EXOC4: variants seen among roughly 807,000 people sequenced by gnomAD.
EXOC4 encodes exocyst complex component 4.
EXOC4 carries 71 observed loss-of-function variants against 107.2 expected under a neutral mutation model. The observed-to-expected ratio is 0.66, with a 90% CI of 0.55 to 0.81. The LOEUF (loss-of-function observed/expected upper bound fraction) is 0.81, where lower values mean the gene tolerates loss of function less well. Ranked by LOEUF, EXOC4 falls within the 30% of genes least tolerant of loss-of-function variation. EXOC4 has a pLI of 0.00. For synonymous variants in EXOC4, 456 were observed against 441.2 expected (o/e 1.03, Z -0.42); for missense variants, 1,108 against 1,189.6 (o/e 0.93, Z 1.01).
intron 14 of EXOC4, among the ~76,000 whole-genome samples, chr7:133,945,044 G>T (rs907810099): frequency 6.6e-6 from 1 of 152,144 alleles, no homozygotes; most frequent in Admixed American, 6.5e-5. Flanking sequence ...AGTCCTTTTA[G>T]AGTAGAATAC....
intron 9 of EXOC4, among the ~76,000 whole-genome samples, chr7:133,537,578 A>G (rs1007043470): frequency 4.6e-5 from 7 of 152,168 alleles, no homozygotes; most frequent in African/African-American, 1.4e-4. Flanking sequence ...GCCGAGAGAA[A>G]AGTGTTTCTT....
Position 133,306,006 on chromosome 7 carries a change from T to C in EXOC4, c.601T>C (p.Tyr201His). Residue 201 changes from tyrosine to histidine, a missense_variant, in exon 4 of 18, where the codon TAC becomes CAC. Tyr to His is a moderately conservative substitution (Grantham distance 83). Transcript: ENST00000253861. Reference protein sequence around the residue: ...VLIDELHRHLYIKSTSRVVQR... With the variant: ...VLIDELHRHLHIKSTSRVVQR... Reference sequence around the variant, plus strand: ...CATAGATGAACTACACCGGCACCTGTACATCAAATCGACTAGCCGAGTTGT... The same window carrying C: ...CATAGATGAACTACACCGGCACCTGCACATCAAATCGACTAGCCGAGTTGT... 6.2e-7 allele frequency: 1 copy of C among 1,613,796 alleles called. No individual in the cohort carries two copies. The highest frequency in any genetic ancestry group is 8.5e-7 in the Non-Finnish European group (1 of 1,179,842).
intron 9 of EXOC4, among the ~76,000 whole-genome samples, chr7:133,586,298 T>C (rs1007405618): frequency 2.6e-5 from 4 of 152,120 alleles, no homozygotes; most frequent in Admixed American, 2.6e-4. Flanking sequence ...CCATGTGTGC[T>C]TAGTGTTTAG....
chr7:133,422,137 G>C (rs1440900035), intron 7 of EXOC4, among the ~76,000 whole-genome samples: 1 of 151,970 alleles, frequency 6.6e-6, no homozygotes, highest in African/African-American at 2.4e-5. Flanking sequence ...CATGCTTTTG[G>C]GCCCATCATT....
chr7:133,567,712 G>A (rs1164101535), intron 9 of EXOC4, among the ~76,000 whole-genome samples: 2 of 152,150 alleles, frequency 1.3e-5, no homozygotes, highest in Non-Finnish European at 2.9e-5. Flanking sequence ...CCCAGAGCAT[G>A]GCACTGGCAT....
At chr7:133,531,355 T>C (rs1161125040) in intron 9 of EXOC4, among the ~76,000 whole-genome samples, 4 of 152,268 alleles carry the variant, frequency 2.6e-5, no homozygotes, top group Non-Finnish European at 5.9e-5. Context: ...CTGTGCTGCT[T>C]TAATTAGTTC....
chr7:133,525,546 T>C (rs1246567743), intron 9 of EXOC4, among the ~76,000 whole-genome samples: 2 of 152,188 alleles, frequency 1.3e-5, no homozygotes, highest in African/African-American at 2.4e-5. Flanking sequence ...TTTAATACTT[T>C]TTAAGTCATG....
At chr7:133,576,196 A>G (rs1801123430) in intron 9 of EXOC4, among the ~76,000 whole-genome samples, 1 of 152,202 alleles carries the variant, frequency 6.6e-6, no homozygotes, top group South Asian at 2.1e-4. Flanking sequence ...GGAATAGAGA[A>G]AATTCTCAAG....
chr7:133,623,157 A>G (rs887228140), intron 9 of EXOC4, among the ~76,000 whole-genome samples: 2 of 152,180 alleles, frequency 1.3e-5, no homozygotes, highest in Non-Finnish European at 2.9e-5. Context: ...CTACATATCC[A>G]GGATAATAAC....
intron 10 of EXOC4, among the ~76,000 whole-genome samples, chr7:133,764,400 C>T (rs1796095157): frequency 6.6e-6 from 1 of 151,998 alleles, no homozygotes; most frequent in Non-Finnish European, 1.5e-5. Context: ...GACGAGAAGG[C>T]TTCATGAATA....
intron 17 of EXOC4, among the ~76,000 whole-genome samples, chr7:134,051,587 C>A (rs1326953388): frequency 1.3e-5 from 2 of 150,206 alleles, no homozygotes; most frequent in African/African-American, 4.9e-5. Context: ...CAGAGAATTG[C>A]TTAAACCTGG....
At chr7:133,704,389 T>G (rs189489269) in intron 10 of EXOC4, among the ~76,000 whole-genome samples, 1 of 152,364 alleles carries the variant, frequency 6.6e-6, no homozygotes, top group East Asian at 1.9e-4. Context: ...CGTAGTCTTC[T>G]GTGACATGTT....
At chr7:133,370,149 C>G (rs1298934513) in intron 6 of EXOC4, among the ~76,000 whole-genome samples, 14 of 134,320 alleles carry the variant, frequency 1.0e-4, no homozygotes, top group Admixed American at 3.8e-4. Flanking sequence ...ACCCTCCCCC[C>G]CAAAAGCATA....
At chr7:133,740,766 A>G (rs762092680) in intron 10 of EXOC4, among the ~76,000 whole-genome samples, 2 of 152,158 alleles carry the variant, frequency 1.3e-5, no homozygotes, top group African/African-American at 2.4e-5. Context: ...GAGTTTACAT[A>G]TGTCATTTAA....
At chr7:133,666,051 A>G (rs753444469) in intron 10 of EXOC4, among the ~76,000 whole-genome samples, 23 of 152,134 alleles carry the variant, frequency 1.5e-4, no homozygotes, top group Non-Finnish European at 2.5e-4. Flanking sequence ...CATGACTTTT[A>G]TAGCATGGCA....
chr7:133,457,401 T>A (rs1251497687), intron 7 of EXOC4, among the ~76,000 whole-genome samples: 2 of 152,194 alleles, frequency 1.3e-5, no homozygotes, highest in African/African-American at 2.4e-5. Context: ...ACTAGTCTCA[T>A]AACTCCTGAT....
At chr7:133,414,391 T>C (rs1797427965) in intron 7 of EXOC4, among the ~76,000 whole-genome samples, 1 of 152,188 alleles carries the variant, frequency 6.6e-6, no homozygotes, top group Non-Finnish European at 1.5e-5. Flanking sequence ...TACAATCTTT[T>C]AAGCAAGCAA....
intron 7 of EXOC4, among the ~76,000 whole-genome samples, chr7:133,414,013 C>T (rs1797419221): frequency 6.6e-6 from 1 of 152,014 alleles, no homozygotes; most frequent in Admixed American, 6.6e-5. Context: ...TTAAATATAA[C>T]AAAAGACATT....
intron 9 of EXOC4, among the ~76,000 whole-genome samples, chr7:133,532,641 T>C (rs974042384): frequency 6.6e-6 from 1 of 152,082 alleles, no homozygotes; most frequent in Non-Finnish European, 1.5e-5. Context: ...AGTTTAAAAG[T>C]TGGCCACATC....
Sources: allele counts gnomAD v4.1 joint callset (sites outside exome capture counted in the v4.1 genomes callset), GRCh38; gene constraint gnomAD v4.1.1; transcripts MANE v1.5; gene names NCBI Gene and HGNC (gene_info 2026-07-23, HGNC 2026-07-21).